Variants in GLTP observed in about 807,000 individuals in gnomAD.
GLTP encodes the protein glycolipid transfer protein.
Under a neutral mutation model 24.0 loss-of-function variants are expected in GLTP, and 22 were observed. The ratio of observed to expected loss-of-function variants is 0.92; its 90% confidence interval spans 0.65 to 1.31. GLTP has a LOEUF of 1.31. GLTP is among the 50% of genes most tolerant of loss of function. The pLI is 0.00. For synonymous variants in GLTP, 92 were observed against 115.9 expected, an observed-to-expected ratio of 0.79 and a Z score of 1.33; for missense variants, 224 against 276.6, an observed-to-expected ratio of 0.81 and a Z score of 1.35.
intron 1 of GLTP, among the ~76,000 whole-genome samples, chr12:109,864,184 G>C (rs117522771): frequency 0.016 from 2,414 of 152,248 alleles, 36 homozygotes; most frequent in South Asian, 0.055. Context: ...CAGAAGAGAG[G>C]GGAGGCGAGG....
chr12:109,874,512 G>GA (rs1164246640), intron 1 of GLTP, among the ~76,000 whole-genome samples: 1 of 152,088 alleles, frequency 6.6e-6, no homozygotes, highest in East Asian at 1.9e-4. Flanking sequence ...CAAGAACCGA[G>GA]AGGTAATGAA....
intron 1 of GLTP, among the ~76,000 whole-genome samples, chr12:109,865,393 G>A (rs538607944): frequency 1.2e-4 from 18 of 152,178 alleles, no homozygotes; most frequent in South Asian, 4.1e-4. Flanking sequence ...TTGGGAGGCC[G>A]AGGCGGGCGG....
chr12:109,860,497 A>G (rs948722892), intron 1 of GLTP: 1 of 152,944 alleles, frequency 6.5e-6, no homozygotes, highest in Non-Finnish European at 1.5e-5. Flanking sequence ...CATAAAATAA[A>G]GGCAGGGTCT....
chr12:109,869,445 T>C (rs1037890272), intron 1 of GLTP, among the ~76,000 whole-genome samples: 1 of 147,830 alleles, frequency 6.8e-6, no homozygotes, highest in Non-Finnish European at 1.5e-5. Context: ...AATGATGCAG[T>C]TGGGAAAATT....
Position 109,857,938 on chromosome 12 carries a change from C to T in GLTP, c.163-279G>A, listed in dbSNP as rs952321264. The T allele has an allele frequency of 1.1e-5, 5 of 474,710 alleles. No homozygotes were observed. The highest frequency in any genetic ancestry group is 3.9e-5 in the African/African-American group (2 of 50,892). The allele number at this position is 474,710 out of a possible 1,614,324, so 29.4% of individuals were successfully genotyped here. ...AGACACTGAGGCTCACAGAGGAGCA[C>T]GGACTTGCCCAAGGTCACACAGTTG... On this transcript the variant is annotated intron_variant, in intron 2 of 4. Transcript: ENST00000318348. This position sits in a 1 kb window ranked among gnomAD's most constrained non-coding sequence, Gnocchi z 4.3.
At chr12:109,871,395 C>T (rs1392552524) in intron 1 of GLTP, among the ~76,000 whole-genome samples, 1 of 152,100 alleles carries the variant, frequency 6.6e-6, no homozygotes, top group African/African-American at 2.4e-5. Context: ...CCAATATTTC[C>T]ATTCTAAGAA....
chr12:109,863,744 A>G lies in GLTP; in HGVS notation c.104-5003T>C, dbSNP rs540153987. ...TGTGAGAGAGAGGTGTCACACGTGC[A>G]AAGTGAGGGCTCAAAGCACTGACCA... On this transcript the variant is annotated intron_variant, in intron 1 of 4. Transcript: ENST00000318348. Among the ~76,000 whole-genome samples the G allele has an allele frequency of 2.0e-5, 3 of 152,346 alleles. No individual in the cohort carries two copies. In the South Asian group the frequency reaches 6.2e-4, roughly 32 times the overall value.
In GLTP at chr12:109,855,289, G is replaced by A. The variant is rs1362961799; in HGVS notation, c.447+330C>T. Among the ~76,000 whole-genome samples the A allele has an allele frequency of 6.6e-6, 1 of 152,198 alleles. No individual in the cohort carries two copies. The highest frequency in any genetic ancestry group is 1.5e-5 in the Non-Finnish European group (1 of 68,028). ...AGGGGTAAATTTGAGGGGCCATCAG[G>A]CTGGGCCACTTTTGACCTGGGGTCC... On this transcript the variant is annotated intron_variant, in intron 4 of 4. Transcript: ENST00000318348. The surrounding 1 kb of genome is among the most constrained non-coding windows in gnomAD (Gnocchi z 4.1).
chr12:109,866,746 C>T (rs1380109324), intron 1 of GLTP, among the ~76,000 whole-genome samples: 2 of 146,936 alleles, frequency 1.4e-5, no homozygotes, highest in East Asian at 3.9e-4. Flanking sequence ...GACAACTAGA[C>T]AGCTTTGTGT....
Position 109,855,511 on chromosome 12 carries a change from G to T in GLTP, c.447+108C>A. The T allele has an allele frequency of 1.0e-6, 1 of 987,524 alleles. No homozygotes were observed. The highest frequency in any genetic ancestry group is 1.5e-6 in the Non-Finnish European group (1 of 679,098). 61.2% of individuals were successfully genotyped at this position (987,524 alleles called of 1,614,324 possible). A position where few individuals can be genotyped will look rare whatever the true frequency, so the allele number is the denominator to read the frequency against. The stretch of plus-strand genomic sequence containing the variant: ...ATGAGGGAGCCCTTCCTGAGCCCGA[G>T]GGGGTAAACACAGCCTCACAGGCCA... On this transcript the variant is annotated intron_variant, in intron 4 of 4. Transcript: ENST00000318348. The surrounding 1 kb of genome is among the most constrained non-coding windows in gnomAD (Gnocchi z 4.1).
At chr12:109,861,568 T>C (rs1868372599) in intron 1 of GLTP, among the ~76,000 whole-genome samples, 1 of 152,016 alleles carries the variant, frequency 6.6e-6, no homozygotes, top group East Asian at 1.9e-4. Context: ...GCCAACATGG[T>C]GAAACCTTAT....
intron 1 of GLTP, among the ~76,000 whole-genome samples, chr12:109,872,602 C>T (rs892414081): frequency 6.6e-6 from 1 of 152,170 alleles, no homozygotes; most frequent in Non-Finnish European, 1.5e-5. Context: ...AAGAGTGGGA[C>T]CCACCAGCAC....
At chr12:109,873,353 G>C (rs1328912945) in intron 1 of GLTP, among the ~76,000 whole-genome samples, 1 of 152,196 alleles carries the variant, frequency 6.6e-6, no homozygotes, top group African/African-American at 2.4e-5. Context: ...CCAGAGCTGA[G>C]GCTGGGCGCG....
intron 1 of GLTP, among the ~76,000 whole-genome samples, chr12:109,871,692 T>A (rs1868726814): frequency 6.6e-6 from 1 of 152,228 alleles, no homozygotes; most frequent in African/African-American, 2.4e-5. Context: ...TAGAAATGAG[T>A]TACTGCCTAA....
intron 1 of GLTP, among the ~76,000 whole-genome samples, chr12:109,879,809 G>A (rs1242414142): frequency 2.0e-5 from 3 of 152,140 alleles, no homozygotes; most frequent in Non-Finnish European, 4.4e-5. Context: ...GAGGCTGGAA[G>A]CGTTCAAAGA....
At chr12:109,864,622 C>T (rs932926332) in intron 1 of GLTP, among the ~76,000 whole-genome samples, 1 of 152,134 alleles carries the variant, frequency 6.6e-6, no homozygotes. Context: ...AATGACTTGC[C>T]CAGGTTACAC....
chr12:109,869,558 C>A (rs937615868), intron 1 of GLTP, among the ~76,000 whole-genome samples: 1 of 147,008 alleles, frequency 6.8e-6, no homozygotes, highest in Non-Finnish European at 1.5e-5. Context: ...CAGGTTCAAG[C>A]GATTCCCCAG....
chr12:109,858,608 A>G, intron 2 of GLTP, 75 bp downstream of exon 2: 1 of 1,058,916 alleles, frequency 9.4e-7, no homozygotes, highest in South Asian at 1.3e-5. Context: ...AGCTGGGACC[A>G]TGATGCTGGT....
At position 109,868,774 on chromosome 12, in the gene GLTP, T is replaced by C. The variant is rs748208661; in HGVS notation, c.104-10033A>G. On this transcript the variant is annotated intron_variant, in intron 1 of 4. Coordinates refer to ENST00000318348, the MANE Select transcript of GLTP (RefSeq NM_016433.4). ...AAACACATGAGGCAGATTAACTTTA[T>C]AGGTCTTGGGTTACAAGGATCATAA... Among the ~76,000 whole-genome samples the C allele has an allele frequency of 1.3e-3, 198 of 152,298 alleles. 1 individual carries two copies. The highest frequency in any genetic ancestry group is 2.4e-3 in the Non-Finnish European group (166 of 68,016).
Sources: gnomAD v4.1 joint callset for allele counts (sites outside exome capture counted in the v4.1 genomes callset) on GRCh38, gnomAD v4.1.1 for gene constraint, Gnocchi (gnomAD v3.1) non-coding constraint, MANE v1.5 for transcripts, NCBI Gene and HGNC (gene_info 2026-07-23, HGNC 2026-07-21) for gene names.